The following STK25 variants were observed in gnomAD, a reference collection of about 807,000 sequenced individuals.
STK25 encodes the protein serine/threonine-protein kinase 25.
In STK25, 29 loss-of-function variants were observed where a neutral mutation model predicts 53.8. The ratio of observed to expected loss-of-function variants is 0.54; its 90% CI spans 0.40 to 0.74. STK25 has a LOEUF of 0.74. STK25 is among the 30% of genes least tolerant of loss of function. STK25 has a pLI of 0.00. For missense variants in STK25, 420 were observed against 568.0 expected (o/e 0.74, Z 2.65); for synonymous variants, 247 against 238.3 (o/e 1.04, Z -0.33).
upstream of STK25, chr2:241,508,664 C>G (rs1574975210): frequency 1.0e-6 from 1 of 985,926 alleles, no homozygotes; most frequent in East Asian, 1.1e-4. Context: ...ACCGCCCACT[C>G]CGGGCCCGGA....
intron 10 of STK25, 102 bp downstream of exon 10, chr2:241,497,514 C>T (rs1030905277): frequency 1.6e-6 from 2 of 1,246,668 alleles, no homozygotes; most frequent in Non-Finnish European, 2.3e-6. Context: ...AAGCTAGAAG[C>T]TGAAACCACC....
chr2:241,497,543 G>T, intron 10 of STK25, 73 bp downstream of exon 10: 1 of 1,475,738 alleles, frequency 6.8e-7, no homozygotes, highest in Non-Finnish European at 9.5e-7. Context: ...CTGTGAGGGA[G>T]ACATCTCCGT....
At chr2:241,498,891 C>G (rs1260019020) in intron 7 of STK25, 98 bp downstream of exon 7, 1 of 1,606,498 alleles carries the variant, frequency 6.2e-7, no homozygotes, top group South Asian at 1.1e-5. Context: ...AGCTACAAGG[C>G]TGGTGGGCCT....
At chr2:241,508,659 C>T, upstream of STK25, 1 of 986,326 alleles carries the variant, frequency 1.0e-6, no homozygotes, top group Non-Finnish European at 1.2e-6. Flanking sequence ...GTCCCACCGC[C>T]CACTCCGGGC....
chr2:241,502,671 G>A (rs1574954933), intron 2 of STK25, among the ~76,000 whole-genome samples: 3 of 151,908 alleles, frequency 2.0e-5, no homozygotes, highest in Admixed American at 6.6e-5. Flanking sequence ...TCAGGGAAGC[G>A]GAGGTTGCGG....
Position 241,493,501 on chromosome 2 carries a change from C to T in STK25, c.*2161G>A. On this transcript the variant is annotated 3_prime_UTR_variant, in exon 12 of 12. Coordinates refer to ENST00000316586, the MANE Select transcript of STK25 (RefSeq NM_001271977.2). ...GCCCATTTCGATGTCCGCTCAGCTC[C>T]CATTTCTACTCATGGTGGTGGAGGC... 6.5e-7 allele frequency: 1 copy of T among 1,549,788 alleles called. No homozygotes were observed. Among genetic ancestry groups the T allele is most frequent in the Non-Finnish European group, 8.9e-7 (1 of 1,124,012 alleles).
Position 241,498,334 on chromosome 2 carries a change from C to T in STK25, c.933G>A (p.Glu311=). Residue 311 remains glutamate (E), a synonymous_variant, in exon 9 of 12, where the codon GAG becomes GAA. Coordinates refer to ENST00000316586, the MANE Select transcript of STK25 (RefSeq NM_001271977.2). ...TCCAGATGGGGCCCTGCTCCCCGTC[C>T]TCCGCCTCGCCATCACTGAAGAGGA... The part of the protein sequence containing the change: ...SEDSDIDGEA[E]DGEQGPIWTF... The T allele has an allele frequency of 1.3e-6, 2 of 1,594,574 alleles. No individual in the cohort carries two copies. The highest frequency in any genetic ancestry group is 2.3e-5 in the South Asian group (2 of 88,872).
chr2:241,508,842 C>T (rs1179519451), upstream of STK25: 2 of 758,574 alleles, frequency 2.6e-6, no homozygotes, highest in Non-Finnish European at 3.2e-6. Context: ...TGGTCGTTGT[C>T]GCGTCGCGCC....
chr2:241,497,673 G>A lies in STK25; in HGVS notation c.1047C>T (p.Val349=). ...GGCACTGGGACCTCGGCTGCCTCTT[G>A]ACGGGCTCCGCAGGCTGCAAAGGAG... is the stretch of plus-strand genomic sequence containing the variant. ...LHSSQKPAEP[V]KRQPRSQCLS... Residue 349 remains valine (V), a synonymous_variant, in exon 10 of 12, where the codon GTC becomes GTT. Coordinates refer to ENST00000316586, the MANE Select transcript of STK25 (RefSeq NM_001271977.2). 1 of 1,613,444 alleles carries A rather than the reference G, an allele frequency of 6.2e-7. No homozygotes were observed. Among genetic ancestry groups the A allele is most frequent in the Admixed American group, 1.7e-5 (1 of 60,026 alleles).
chr2:241,500,942 G>T, intron 3 of STK25, 146 bp from the exon 4 acceptor site: 1 of 719,988 alleles, frequency 1.4e-6, no homozygotes, highest in Non-Finnish European at 2.3e-6. Context: ...GGGCTCTCTC[G>T]GCCTTGCCCA....
At position 241,496,600 on chromosome 2, in the gene STK25, G is replaced by T; in HGVS notation, c.1105-66C>A. 2.6e-6 allele frequency: 4 copies of T among 1,560,480 alleles called. No homozygotes were observed. In the South Asian group the frequency reaches 4.6e-5, roughly 18 times the overall value. The stretch of plus-strand genomic sequence containing the variant: ...AGGCCTTCAGGGAGCCTGCTCCTTT[G>T]CTCGGCCACAGTGATGCCGGAGGCC... On this transcript the variant is annotated intron_variant, in intron 10 of 11. Coordinates refer to ENST00000316586, the MANE Select transcript of STK25 (RefSeq NM_001271977.2). This position sits in a 1 kb window ranked among gnomAD's most constrained non-coding sequence, Gnocchi z 5.8.
At chr2:241,505,496 C>A (rs1381995818) in intron 2 of STK25, among the ~76,000 whole-genome samples, 1 of 152,140 alleles carries the variant, frequency 6.6e-6, no homozygotes, top group African/African-American at 2.4e-5. Flanking sequence ...CACCACCACC[C>A]CTCCGACTCT....
Position 241,496,365 on chromosome 2 carries a change from C to T in STK25, c.1241+33G>A. On this transcript the variant is annotated intron_variant, in intron 11 of 11. Coordinates refer to ENST00000316586, the MANE Select transcript of STK25 (RefSeq NM_001271977.2). This position sits in a 1 kb window ranked among gnomAD's most constrained non-coding sequence, Gnocchi z 5.8. ...CACGTCCAGCTTCTTGGTGGGGGTGCTCTCCCCGACCCTATGGCACGGCCG... is the reference window on the plus strand; with the variant it reads ...CACGTCCAGCTTCTTGGTGGGGGTGTTCTCCCCGACCCTATGGCACGGCCG... The T allele has an allele frequency of 6.3e-7, 1 of 1,591,922 alleles. No homozygotes were observed.
Position 241,494,212 on chromosome 2 carries a change from G to C in STK25, c.*1450C>G, listed in dbSNP as rs1031313035. 6 of 787,552 alleles carry C rather than the reference G, an allele frequency of 7.6e-6. No individual in the cohort carries two copies. The African/African-American group carries it at 1.1e-4, about 14-fold the overall frequency. The allele number at this position is 787,552 out of a possible 1,614,324, so 48.8% of individuals were successfully genotyped here. A position where few individuals can be genotyped will look rare whatever the true frequency, so the allele number is the denominator to read the frequency against. ...TGTCCTGAGGCTTCTCAACAGATGGGAAGTGGCTGTGGTCTCACTGGATCC... is the reference window on the plus strand; with the variant it reads ...TGTCCTGAGGCTTCTCAACAGATGGCAAGTGGCTGTGGTCTCACTGGATCC... On this transcript the variant is annotated 3_prime_UTR_variant, in exon 12 of 12. Transcript: ENST00000316586. The surrounding 1 kb of genome is among the most constrained non-coding windows in gnomAD (Gnocchi z 4.9).
chr2:241,508,763 C>G, upstream of STK25: 1 of 985,152 alleles, frequency 1.0e-6, no homozygotes, highest in Non-Finnish European at 1.2e-6. Flanking sequence ...TCTGGGACCC[C>G]TAGTCCTGCT....
chr2:241,499,470 G>A (rs1254272001), intron 5 of STK25, 56 bp from the exon 6 acceptor site: 3 of 1,577,242 alleles, frequency 1.9e-6, no homozygotes, highest in Non-Finnish European at 2.6e-6. Context: ...CTCCACCCCG[G>A]GCCCCCTGAG....
At chr2:241,497,796 C>T in intron 9 of STK25, 109 bp from the exon 10 acceptor site, 3 of 1,150,320 alleles carry the variant, frequency 2.6e-6, no homozygotes, top group Non-Finnish European at 3.8e-6. Flanking sequence ...TGGGAGCAGC[C>T]TGTCGGGGCA....
intron 8 of STK25, 37 bp downstream of exon 8, chr2:241,498,602 C>A: frequency 6.3e-7 from 1 of 1,594,056 alleles, no homozygotes; most frequent in South Asian, 1.1e-5. Flanking sequence ...CACGTCACAG[C>A]ACCTAGGGTC....
intron 8 of STK25, 54 bp from the exon 9 acceptor site, chr2:241,498,403 A>C: frequency 1.4e-6 from 2 of 1,451,856 alleles, no homozygotes; most frequent in South Asian, 1.3e-5. Context: ...AGGAGGCATG[A>C]GGGCCTCAGG....
Sources: gnomAD v4.1 joint callset for allele counts (sites outside exome capture counted in the v4.1 genomes callset) on GRCh38, gnomAD v4.1.1 for gene constraint, Gnocchi (gnomAD v3.1) non-coding constraint, MANE v1.5 for transcripts, NCBI Gene and HGNC (gene_info 2026-07-23, HGNC 2026-07-21) for gene names.